The following MIER1 variants were observed in gnomAD, a reference collection of about 807,000 sequenced individuals.
The protein encoded by MIER1 is MIER1 transcriptional regulator, also known as mesoderm induction early response protein 1.
In MIER1, 40 loss-of-function variants were observed where a neutral mutation model predicts 75.7. The ratio of observed to expected loss-of-function variants is 0.53; its 90% CI spans 0.41 to 0.69. The LOEUF is 0.69. Ranked by LOEUF, MIER1 falls within the 30% of genes least tolerant of loss-of-function variation. The pLI is 0.00. For synonymous variants in MIER1, 213 were observed against 223.4 expected, an observed-to-expected ratio of 0.95 and a Z score of 0.42; for missense variants, 574 against 680.2, an observed-to-expected ratio of 0.84 and a Z score of 1.74.
At chr1:66,928,761 C>A in intron 2 of MIER1, 1 of 568,912 alleles carries the variant, frequency 1.8e-6, no homozygotes, top group Non-Finnish European at 3.0e-6. Context: ...CTGAAAAACA[C>A]TTTTATATAA....
chr1:66,974,177 T>C (rs1664231189), intron 11 of MIER1, among the ~76,000 whole-genome samples: 1 of 152,128 alleles, frequency 6.6e-6, no homozygotes, highest in Non-Finnish European at 1.5e-5. Context: ...TGTTGAATGT[T>C]GGCAGTTTAC....
intron 4 of MIER1, among the ~76,000 whole-genome samples, chr1:66,949,854 C>T (rs1289268215): frequency 6.6e-6 from 1 of 152,168 alleles, no homozygotes; most frequent in Non-Finnish European, 1.5e-5. Context: ...AGAACTCTGA[C>T]ATTCATTCAG....
chr1:66,965,103 T>C (rs1662111383), intron 8 of MIER1, among the ~76,000 whole-genome samples: 1 of 152,218 alleles, frequency 6.6e-6, no homozygotes, highest in Non-Finnish European at 1.5e-5. Flanking sequence ...TATAGGAACA[T>C]TGAAGCTAGC....
chr1:66,975,016 A>G (rs1291004689), intron 11 of MIER1, among the ~76,000 whole-genome samples: 3 of 152,148 alleles, frequency 2.0e-5, no homozygotes, highest in African/African-American at 7.2e-5. Context: ...GATTTTTTTT[A>G]AAGTCCTGAT....
At chr1:66,967,121 T>C (rs191968704) in intron 8 of MIER1, among the ~76,000 whole-genome samples, 41 of 152,338 alleles carry the variant, frequency 2.7e-4, no homozygotes, top group African/African-American at 9.4e-4. Flanking sequence ...CAATATTTTA[T>C]TGTAGTAGTT....
intron 4 of MIER1, among the ~76,000 whole-genome samples, chr1:66,950,352 G>A (rs1658631791): frequency 6.6e-6 from 1 of 152,088 alleles, no homozygotes; most frequent in African/African-American, 2.4e-5. Flanking sequence ...CAAGTGATCT[G>A]CCCATCTCAG....
intron 5 of MIER1, 55 bp from the exon 6 acceptor site, chr1:66,958,796 T>C (rs1199679660): frequency 5.6e-6 from 8 of 1,438,318 alleles, no homozygotes; most frequent in Admixed American, 5.6e-5. Context: ...CTATGGTCTT[T>C]CATCTGCAAC....
intron 2 of MIER1, among the ~76,000 whole-genome samples, chr1:66,939,428 T>G (rs919505936): frequency 6.6e-6 from 1 of 152,162 alleles, no homozygotes. Context: ...TCAGATAACC[T>G]AAACTTTCTA....
At chr1:66,937,110 CTA>C (rs1005835590) in intron 2 of MIER1, among the ~76,000 whole-genome samples, 15 of 151,508 alleles carry the variant, frequency 9.9e-5, no homozygotes, top group African/African-American at 3.6e-4. Flanking sequence ...CAAAAGGACA[CTA>C]TAAAAGGTAT....
chr1:66,958,829 A>C (rs1660679530), intron 5 of MIER1, 22 bp from the exon 6 acceptor site: 5 of 1,581,948 alleles, frequency 3.2e-6, no homozygotes, highest in Non-Finnish European at 4.3e-6. Context: ...ATCTTAGAGA[A>C]ATTTAATTTA....
intron 11 of MIER1, among the ~76,000 whole-genome samples, chr1:66,974,183 T>C (rs1206589505): frequency 6.6e-6 from 1 of 152,116 alleles, no homozygotes; most frequent in African/African-American, 2.4e-5. Context: ...ATGTTGGCAG[T>C]TTACCGCAGA....
At chr1:66,959,785 AT>A (rs1466384456) in intron 7 of MIER1, 42 bp downstream of exon 7, 2 of 1,006,632 alleles carry the variant, frequency 2.0e-6, no homozygotes, top group Non-Finnish European at 2.8e-6. Context: ...ATAAATTAAT[AT>A]TTTTTTAAAA....
intron 2 of MIER1, chr1:66,928,850 G>A (rs1188626900): frequency 4.9e-6 from 7 of 1,431,630 alleles, no homozygotes; most frequent in South Asian, 3.6e-5. Context: ...GAACCTTAAA[G>A]TTTTCCTTTC....
intron 12 of MIER1, among the ~76,000 whole-genome samples, chr1:66,978,749 A>T (rs779551668): frequency 6.6e-6 from 1 of 152,234 alleles, no homozygotes; most frequent in Non-Finnish European, 1.5e-5. Context: ...GGTCAGACCC[A>T]TGGTTCATCC....
intron 2 of MIER1, among the ~76,000 whole-genome samples, chr1:66,934,602 C>T (rs539475877): frequency 3.5e-5 from 5 of 143,640 alleles, no homozygotes; most frequent in Admixed American, 7.2e-5. Context: ...GACAGGGTCT[C>T]GATATGTTGA....
Position 66,959,049 on chromosome 1 carries a change from T to C in MIER1, c.634+66T>C. On this transcript the variant is annotated intron_variant, in intron 6 of 13. Transcript: ENST00000401041. ...CTATTTTAGGTATTACCTAAAATCC[T>C]CTTTTTTAAACTGGTCTTTGAATTC... The C allele has an allele frequency of 1.4e-5, 19 of 1,361,560 alleles. No homozygotes were observed. The South Asian group carries it at 1.9e-4, about 14-fold the overall frequency. 84.3% of individuals were successfully genotyped at this position (1,361,560 alleles called of 1,614,324 possible).
chr1:66,946,433 T>C (rs1231032244), intron 4 of MIER1, 138 bp downstream of exon 4: 24 of 1,375,694 alleles, frequency 1.7e-5, no homozygotes, highest in Non-Finnish European at 2.3e-5. Context: ...TGATCATAGG[T>C]GGGATATTTA....
At chr1:66,972,216 C>CATAT (rs71058485) in intron 10 of MIER1, among the ~76,000 whole-genome samples, 2 of 89,302 alleles carry the variant, frequency 2.2e-5, no homozygotes, top group African/African-American at 3.7e-5. Context: ...AAGAGTACTA[C>CATAT]ATATATATAT....
At chr1:66,939,882 GAAAATGCAGACATTAAAACT>G (rs1264734204) in intron 2 of MIER1, 126 bp from the exon 3 acceptor site, 22 of 588,284 alleles carry the variant, frequency 3.7e-5, no homozygotes, top group African/African-American at 1.3e-4. Flanking sequence ...GTTTGTCTTG[GAAAATGCAGACATTAAAACT>G]AAAATGCAGA....
Sources: gnomAD v4.1 joint callset for allele counts (sites outside exome capture counted in the v4.1 genomes callset) on GRCh38, gnomAD v4.1.1 for gene constraint, MANE v1.5 for transcripts, NCBI Gene and HGNC (gene_info 2026-07-23, HGNC 2026-07-21) for gene names.